The following LIAS variants were observed in gnomAD, a reference collection of about 807,000 sequenced individuals.
LIAS encodes the protein lipoyl synthase, mitochondrial.
A neutral mutation model predicts 49.4 loss-of-function variants in LIAS; 36 were observed. That is an observed-to-expected ratio of 0.73 (90% CI 0.56 to 0.96). LIAS has a LOEUF of 0.96. Ranked by LOEUF, LIAS falls within the 40% of genes least tolerant of loss-of-function variation. The pLI is 0.00. For synonymous variants in LIAS, 145 were observed against 155.8 expected (o/e 0.93, Z 0.52); for missense variants, 399 against 456.3 (o/e 0.87, Z 1.14).
intron 9 of LIAS, 127 bp from the exon 10 acceptor site, chr4:39,472,973 C>CA (rs1269573170): frequency 1.3e-5 from 8 of 606,034 alleles, no homozygotes; most frequent in Non-Finnish European, 2.9e-6. Flanking sequence ...AGGGAGAGGA[C>CA]AAAAGCCTGG....
chr4:39,475,460 T>G (rs1745163182), intron 10 of LIAS: 1 of 152,138 alleles, frequency 6.6e-6, no homozygotes, highest in Admixed American at 6.5e-5. Flanking sequence ...TTTAAATGAT[T>G]GCTTTATATA....
At chr4:39,472,157 ATCT>A (rs1231075473) in intron 9 of LIAS, among the ~76,000 whole-genome samples, 1 of 151,998 alleles carries the variant, frequency 6.6e-6, no homozygotes, top group African/African-American at 2.4e-5. Flanking sequence ...ATATATACAC[ATCT>A]TATTCTTATG....
intron 7 of LIAS, chr4:39,469,716 C>T (rs1355775274): frequency 4.0e-6 from 1 of 252,914 alleles, no homozygotes; most frequent in Non-Finnish European, 7.5e-6. Context: ...GACTCTCTTA[C>T]TTCTGCTTTT....
intron 3 of LIAS, among the ~76,000 whole-genome samples, chr4:39,462,577 C>T (rs1258571137): frequency 2.0e-5 from 3 of 152,184 alleles, no homozygotes; most frequent in East Asian, 3.8e-4. Context: ...ATGTCACATA[C>T]GCAATGCCAT....
chr4:39,467,393 T>C lies in LIAS; in HGVS notation c.609-125T>C, dbSNP rs6856504. 0.13 allele frequency: 116,518 copies of C among 904,778 alleles called. 8,375 individuals are homozygous for C. The highest frequency in any genetic ancestry group is 0.14 in the Non-Finnish European group (89,694 of 634,518). 56.0% of individuals were successfully genotyped at this position (904,778 alleles called of 1,614,324 possible). ...TATGAACATCTGTATGTTCATACTT[T>C]TCTTGACAAAGTTCTAAAGGTTACT... On this transcript the variant is annotated intron_variant, in intron 6 of 10. Transcript: ENST00000640888.
At chr4:39,459,709 C>A (rs537891689) in intron 1 of LIAS, among the ~76,000 whole-genome samples, 3 of 152,318 alleles carry the variant, frequency 2.0e-5, no homozygotes, top group African/African-American at 7.2e-5. Context: ...TTCTTATGTT[C>A]TTGACTGCCA....
At chr4:39,476,614 T>C (rs1450183069) in intron 10 of LIAS, 3 of 154,046 alleles carry the variant, frequency 1.9e-5, no homozygotes, top group African/African-American at 7.2e-5. Context: ...GGGAATAAGC[T>C]AAAGAGATTC....
intron 8 of LIAS, chr4:39,470,487 A>G (rs1452666670): frequency 4.4e-6 from 1 of 228,394 alleles, no homozygotes; most frequent in African/African-American, 2.3e-5. Context: ...ATCATTGGAC[A>G]CTTTTGGAGA....
At chr4:39,471,140 A>G in intron 8 of LIAS, 96 bp from the exon 9 acceptor site, 1 of 880,344 alleles carries the variant, frequency 1.1e-6, no homozygotes, top group South Asian at 1.4e-5. Flanking sequence ...GGACTGTCAT[A>G]AAGTTCACAC....
intron 9 of LIAS, among the ~76,000 whole-genome samples, chr4:39,471,622 G>A (rs1430740774): frequency 2.9e-5 from 4 of 140,032 alleles, no homozygotes; most frequent in African/African-American, 1.1e-4. Flanking sequence ...CACCTCCCAG[G>A]TTCAAATGAT....
chr4:39,462,976 C>G (rs776697510), intron 3 of LIAS, among the ~76,000 whole-genome samples: 3 of 152,136 alleles, frequency 2.0e-5, no homozygotes, highest in Non-Finnish European at 4.4e-5. Flanking sequence ...GACAGTGAGA[C>G]TCCATCTTAA....
At chr4:39,470,288 G>A in intron 8 of LIAS, 124 bp downstream of exon 8, 5 of 648,024 alleles carry the variant, frequency 7.7e-6, no homozygotes, top group South Asian at 3.7e-5. Context: ...AGCATGAAAA[G>A]GAAACCAACT....
At position 39,479,258 on chromosome 4, in the gene LIAS, G is replaced by C. The variant is rs1451891190; in HGVS notation, c.*2143G>C. 2 of 152,046 alleles carry C rather than the reference G, an allele frequency of 1.3e-5. No homozygotes were observed. Among genetic ancestry groups the C allele is most frequent in the Non-Finnish European group, 2.9e-5 (2 of 68,072 alleles). The allele number at this position is 152,046 out of a possible 1,614,324, so 9.4% of individuals were successfully genotyped here. A position where few individuals can be genotyped will look rare whatever the true frequency, so the allele number is the denominator to read the frequency against. On this transcript the variant is annotated 3_prime_UTR_variant, in exon 11 of 11. Coordinates refer to ENST00000640888, the MANE Select transcript of LIAS (RefSeq NM_006859.4). ...GGCCGGGCATGGTGGCTTAATGCCT[G>C]TAATTCCAACGTTTTGGGAGGCCGA...
intron 2 of LIAS, 66 bp downstream of exon 2, chr4:39,461,028 C>T (rs1320547788): frequency 1.5e-6 from 2 of 1,333,690 alleles, no homozygotes; most frequent in Admixed American, 2.4e-5. Context: ...TCAGATATAA[C>T]CAAGCCCTAG....
At chr4:39,471,517 ATTTTTT>A (rs766866733) in intron 9 of LIAS, among the ~76,000 whole-genome samples, 4 of 74,320 alleles carry the variant, frequency 5.4e-5, no homozygotes, top group African/African-American at 1.9e-4. Flanking sequence ...CATATATATA[ATTTTTT>A]TTTTTTTTTT....
At chr4:39,473,352 C>T (rs921387057) in intron 10 of LIAS, 141 bp downstream of exon 10, 5 of 566,928 alleles carry the variant, frequency 8.8e-6, no homozygotes, top group Admixed American at 3.3e-5. Context: ...TCTGGAACAT[C>T]CTTAGGAGCT....
intron 1 of LIAS, among the ~76,000 whole-genome samples, chr4:39,459,496 C>G (rs1159382948): frequency 6.6e-6 from 1 of 152,182 alleles, no homozygotes; most frequent in Non-Finnish European, 1.5e-5. Flanking sequence ...AGACACCACT[C>G]TAGCCGCAGA....
chr4:39,463,050 C>G (rs1008375053), intron 3 of LIAS, among the ~76,000 whole-genome samples: 7 of 151,658 alleles, frequency 4.6e-5, no homozygotes, highest in African/African-American at 1.5e-4. Flanking sequence ...CTCTATAGGA[C>G]ATGCTCACTA....
chr4:39,470,082 G>T lies in LIAS; in HGVS notation c.801G>T (p.Lys267Asn), dbSNP rs2109882976. 1 of 1,614,048 alleles carries T rather than the reference G, an allele frequency of 6.2e-7. No homozygotes were observed. Among genetic ancestry groups the T allele is most frequent in the Middle Eastern group, 1.6e-4 (1 of 6,062 alleles). The change falls in exon 8 of 11, where the codon AAG becomes AAT. Residue 267 changes from lysine (K) to asparagine (N), a missense_variant. Physicochemically the swap from Lys to Asn is moderately conservative, Grantham distance 94. Around this residue, in one of 3 missense-constraint regions of LIAS, gnomAD observed 234 missense variants for 292.2 expected, o/e 0.80. Coordinates refer to ENST00000640888, the MANE Select transcript of LIAS (RefSeq NM_006859.4). ...TACGTGTACTGAAACATGCCAAGAAGGTTCAGCCTGATGTTATTTCTAAAA... is the reference window on the plus strand; with the variant it reads ...TACGTGTACTGAAACATGCCAAGAATGTTCAGCCTGATGTTATTTCTAAAA... ...QSLRVLKHAK[K>N]VQPDVISKTS... is the part of the protein sequence containing the mutation.
Sources: gnomAD v4.1 joint callset for allele counts (sites outside exome capture counted in the v4.1 genomes callset) on GRCh38, gnomAD v4.1.1 for gene constraint, gnomAD v4.1.1 regional missense constraint, MANE v1.5 for transcripts, NCBI Gene and HGNC (gene_info 2026-07-23, HGNC 2026-07-21) for gene names.